Variants in SH2D4A observed in about 807,000 individuals in gnomAD.
The protein encoded by SH2D4A is SH2 domain containing 4A, also known as SH2 domain-containing protein 4A.
SH2D4A carries 70 observed loss-of-function variants against 64.7 expected under a neutral mutation model. The ratio of observed to expected loss-of-function variants is 1.08; its 90% CI spans 0.89 to 1.32. SH2D4A has a LOEUF of 1.32. SH2D4A is among the 40% of genes most tolerant of loss of function. The pLI is 0.00. For missense variants in SH2D4A, 706 were observed against 540.1 expected (o/e 1.31, Z -3.04); for synonymous variants, 268 against 200.7 (o/e 1.34, Z -2.83).
At chr8:19,314,536 G>C (rs1480766730) in intron 1 of SH2D4A, among the ~76,000 whole-genome samples, 1 of 152,104 alleles carries the variant, frequency 6.6e-6, no homozygotes, top group Non-Finnish European at 1.5e-5. Flanking sequence ...CGGGGGTCAC[G>C]CGGGCACCGG....
At chr8:19,393,229 T>C (rs2053522788) in intron 8 of SH2D4A, 89 bp from the exon 9 acceptor site, 1 of 1,200,784 alleles carries the variant, frequency 8.3e-7, no homozygotes, top group East Asian at 2.3e-5. Flanking sequence ...TAGGCGTCAT[T>C]GACTCTATAT....
chr8:19,329,820 C>T (rs549414779), intron 2 of SH2D4A, among the ~76,000 whole-genome samples: 33 of 152,314 alleles, frequency 2.2e-4, no homozygotes, highest in Non-Finnish European at 4.0e-4. Flanking sequence ...AGTAGCTCCT[C>T]CTTGCCTTCT....
chr8:19,364,171 G>A lies in SH2D4A; in HGVS notation c.806G>A (p.Gly269Asp), dbSNP rs762296024. Reference protein sequence around the residue: ...RLSLGAQKGRGGERLQSPLRV... With the variant: ...RLSLGAQKGRDGERLQSPLRV... ...TCCCTCGGGGCCCAGAAAGGAAGAG[G>A]CGGTGAGAGGCTGCAAAGCCCCTTG... The change falls in exon 7 of 10, where the codon GGC becomes GAC. Residue 269 changes from glycine (G) to aspartate (D), a missense_variant. Transcript: ENST00000265807. 6 of 1,614,010 alleles carry A rather than the reference G, an allele frequency of 3.7e-6. No homozygotes were observed. Among genetic ancestry groups the A allele is most frequent in the Admixed American group, 3.3e-5 (2 of 60,006 alleles).
intron 7 of SH2D4A, among the ~76,000 whole-genome samples, chr8:19,371,718 G>A (rs371751838): frequency 1.3e-5 from 2 of 151,906 alleles, no homozygotes; most frequent in Admixed American, 1.3e-4. Flanking sequence ...TTTTGATGTT[G>A]TCCCACAGAC....
At chr8:19,386,907 A>AC (rs1400713081) in intron 8 of SH2D4A, among the ~76,000 whole-genome samples, 4 of 152,212 alleles carry the variant, frequency 2.6e-5, no homozygotes, top group Admixed American at 1.3e-4. Context: ...AGGCTCCTGA[A>AC]CAGCTGGGAA....
At chr8:19,351,518 G>C (rs1430640839) in intron 4 of SH2D4A, among the ~76,000 whole-genome samples, 1 of 152,052 alleles carries the variant, frequency 6.6e-6, no homozygotes, top group Non-Finnish European at 1.5e-5. Flanking sequence ...CAGGAGAATG[G>C]CGTGAACCCA....
At chr8:19,352,845 A>C (rs2052729432) in intron 4 of SH2D4A, among the ~76,000 whole-genome samples, 1 of 152,042 alleles carries the variant, frequency 6.6e-6, no homozygotes, top group South Asian at 2.1e-4. Flanking sequence ...TGTCTCTACT[A>C]AAATTAAAAA....
intron 4 of SH2D4A, among the ~76,000 whole-genome samples, chr8:19,340,305 T>C (rs1176335913): frequency 6.6e-6 from 1 of 152,020 alleles, no homozygotes; most frequent in African/African-American, 2.4e-5. Flanking sequence ...TCAGGAACAA[T>C]TGGAAATTGT....
chr8:19,364,854 G>A (rs1015537843), intron 7 of SH2D4A, among the ~76,000 whole-genome samples: 3 of 152,170 alleles, frequency 2.0e-5, no homozygotes, highest in African/African-American at 7.2e-5. Context: ...CTATTTGGTG[G>A]TGGAGATACC....
chr8:19,344,946 C>A (rs768791320), intron 4 of SH2D4A, among the ~76,000 whole-genome samples: 25 of 152,114 alleles, frequency 1.6e-4, no homozygotes, highest in Admixed American at 9.2e-4. Flanking sequence ...TATTTTCAGA[C>A]CTTTTTGGAT....
intron 4 of SH2D4A, among the ~76,000 whole-genome samples, chr8:19,340,546 T>G (rs1183566595): frequency 6.6e-6 from 1 of 151,870 alleles, no homozygotes; most frequent in African/African-American, 2.4e-5. Flanking sequence ...CCAGGCTACT[T>G]GCAGAAGTGG....
chr8:19,382,382 C>A (rs2053309207), intron 8 of SH2D4A, among the ~76,000 whole-genome samples: 1 of 152,036 alleles, frequency 6.6e-6, no homozygotes. Context: ...GATTTTTCTA[C>A]CTTATGATGG....
intron 2 of SH2D4A, among the ~76,000 whole-genome samples, chr8:19,320,828 C>T (rs974672855): frequency 1.6e-4 from 24 of 152,136 alleles, no homozygotes; most frequent in Admixed American, 1.4e-3. Flanking sequence ...CATCTAAGAC[C>T]GTCTCTTTTC....
intron 1 of SH2D4A, among the ~76,000 whole-genome samples, chr8:19,317,636 T>C (rs1379656755): frequency 6.6e-6 from 1 of 152,096 alleles, no homozygotes; most frequent in East Asian, 1.9e-4. Flanking sequence ...AGGAACTACT[T>C]TGCACGGAAG....
chr8:19,374,313 C>T (rs183708604), intron 8 of SH2D4A, among the ~76,000 whole-genome samples: 28 of 152,252 alleles, frequency 1.8e-4, no homozygotes, highest in East Asian at 1.4e-3. Flanking sequence ...ACTTCACAGG[C>T]CCCTCTGTTT....
At chr8:19,346,721 C>G (rs1025567633) in intron 4 of SH2D4A, among the ~76,000 whole-genome samples, 1 of 152,092 alleles carries the variant, frequency 6.6e-6, no homozygotes, top group Non-Finnish European at 1.5e-5. Context: ...AACACTGACT[C>G]TTTACAAAGG....
At chr8:19,351,075 T>G (rs2117255541) in intron 4 of SH2D4A, among the ~76,000 whole-genome samples, 1 of 152,300 alleles carries the variant, frequency 6.6e-6, no homozygotes, top group East Asian at 1.9e-4. Context: ...CTTTATAACT[T>G]TATTGAAGCA....
At chr8:19,351,833 G>A (rs925178185) in intron 4 of SH2D4A, among the ~76,000 whole-genome samples, 1 of 151,990 alleles carries the variant, frequency 6.6e-6, no homozygotes, top group African/African-American at 2.4e-5. Context: ...GCCCAGGCTG[G>A]AGTGCAGTGG....
intron 5 of SH2D4A, 63 bp from the exon 6 acceptor site, chr8:19,361,140 C>A: frequency 1.1e-6 from 1 of 940,940 alleles, no homozygotes; most frequent in Non-Finnish European, 1.6e-6. Context: ...GCTGGATTTG[C>A]TCACCAAGGT....
Sources: gnomAD v4.1 joint callset for allele counts (sites outside exome capture counted in the v4.1 genomes callset) on GRCh38, gnomAD v4.1.1 for gene constraint, MANE v1.5 for transcripts, NCBI Gene and HGNC (gene_info 2026-07-23, HGNC 2026-07-21) for gene names.